IL1RAPL2: variants seen among roughly 807,000 people sequenced by gnomAD.
The protein encoded by IL1RAPL2 is interleukin 1 receptor accessory protein like 2, also known as X-linked interleukin-1 receptor accessory protein-like 2.
Under a neutral mutation model 44.1 loss-of-function variants are expected in IL1RAPL2, and 3 were observed. That is an observed-to-expected ratio of 0.07 (90% CI 0.03 to 0.18). IL1RAPL2 has a LOEUF of 0.18. IL1RAPL2 is among the 10% of genes least tolerant of loss of function. IL1RAPL2 has a pLI of 1.00. For synonymous variants in IL1RAPL2, 181 were observed against 178.8 expected (o/e 1.01, Z -0.10); for missense variants, 391 against 496.4 (o/e 0.79, Z 2.02).
At chrX:105,061,795 C>T (rs1185447287) in intron 2 of IL1RAPL2, among the ~76,000 whole-genome samples, 1 of 111,851 alleles carries the variant, frequency 8.9e-6, no homozygotes. Flanking sequence ...TGTATAGTGA[C>T]CTGTCTCTTC....
At chrX:105,649,723 A>G (rs1358745630) in intron 6 of IL1RAPL2, among the ~76,000 whole-genome samples, 1 of 111,492 alleles carries the variant, frequency 9.0e-6, no homozygotes, top group East Asian at 2.8e-4. Flanking sequence ...TGGGGCAAAG[A>G]AGCTTTGTCC....
At chrX:105,400,759 A>G (rs984503714) in intron 5 of IL1RAPL2, among the ~76,000 whole-genome samples, 3 of 112,274 alleles carry the variant, frequency 2.7e-5, no homozygotes, top group Admixed American at 9.5e-5. Flanking sequence ...TACTCATTCA[A>G]TAAAAATATA....
intron 2 of IL1RAPL2, among the ~76,000 whole-genome samples, chrX:105,171,547 C>T (rs1013354118): frequency 9.0e-6 from 1 of 110,606 alleles, no homozygotes; most frequent in African/African-American, 3.3e-5. Context: ...TTCCCCCTGC[C>T]CTGTATTTTG....
At chrX:104,724,340 G>A (rs1422513646) in intron 2 of IL1RAPL2, among the ~76,000 whole-genome samples, 1 of 111,228 alleles carries the variant, frequency 9.0e-6, no homozygotes, top group Non-Finnish European at 1.9e-5. Context: ...TGCTAGGATA[G>A]CATTAGGAGA....
intron 2 of IL1RAPL2, among the ~76,000 whole-genome samples, chrX:105,164,467 C>A (rs953110751): frequency 1.8e-5 from 2 of 112,024 alleles, no homozygotes; most frequent in Non-Finnish European, 3.8e-5. Context: ...ATAGCTCGAC[C>A]TTGATACTGT....
intron 6 of IL1RAPL2, among the ~76,000 whole-genome samples, chrX:105,508,765 C>T (rs1157119681): frequency 9.0e-6 from 1 of 110,684 alleles, no homozygotes; most frequent in African/African-American, 3.3e-5. Flanking sequence ...ATTGATCAAG[C>T]ATTGACATTT....
chrX:105,273,372 C>G, intron 5 of IL1RAPL2, among the ~76,000 whole-genome samples: 1 of 111,488 alleles, frequency 9.0e-6, no homozygotes, highest in Middle Eastern at 4.7e-3. Context: ...ACTGGAATCC[C>G]TCTTCCCCAA....
At chrX:105,721,430 A>C (rs2038303722) in intron 7 of IL1RAPL2, among the ~76,000 whole-genome samples, 1 of 110,711 alleles carries the variant, frequency 9.0e-6, no homozygotes, top group South Asian at 3.8e-4. Flanking sequence ...AAAAAAAATC[A>C]AAATTAATAC....
intron 5 of IL1RAPL2, among the ~76,000 whole-genome samples, chrX:105,427,080 A>G (rs932797218): frequency 2.7e-5 from 3 of 112,766 alleles, no homozygotes; most frequent in Non-Finnish European, 3.8e-5. Flanking sequence ...TATTTTTGTC[A>G]CAAACAGCAG....
intron 2 of IL1RAPL2, among the ~76,000 whole-genome samples, chrX:104,681,160 G>T (rs184722427): frequency 2.1e-4 from 23 of 111,888 alleles, no homozygotes; most frequent in Admixed American, 1.7e-3. Flanking sequence ...ATTGATCAGG[G>T]TCTTTCCCCC....
intron 2 of IL1RAPL2, among the ~76,000 whole-genome samples, chrX:105,064,493 A>C (rs1200876232): frequency 8.9e-6 from 1 of 111,776 alleles, no homozygotes; most frequent in African/African-American, 3.3e-5. Flanking sequence ...GTTAGGGATG[A>C]TTGCTGTAGG....
intron 2 of IL1RAPL2, among the ~76,000 whole-genome samples, chrX:105,011,561 A>T (rs773398653): frequency 5.7e-4 from 64 of 111,681 alleles, no homozygotes; most frequent in Non-Finnish European, 1.1e-3. Flanking sequence ...AATTCATGTA[A>T]GTTGAATCAA....
chrX:104,892,651 T>C (rs994544597), intron 2 of IL1RAPL2, among the ~76,000 whole-genome samples: 1 of 112,018 alleles, frequency 8.9e-6, no homozygotes, highest in African/African-American at 3.2e-5. Context: ...CCCTTTATCA[T>C]TTTTTATTGC....
chrX:104,885,342 G>T (rs926600948), intron 2 of IL1RAPL2, among the ~76,000 whole-genome samples: 12 of 111,432 alleles, frequency 1.1e-4, no homozygotes, highest in Non-Finnish European at 2.1e-4. Flanking sequence ...ATTGACCTGT[G>T]TTCTAGAAGG....
At chrX:105,553,292 G>C (rs1045771694) in intron 6 of IL1RAPL2, among the ~76,000 whole-genome samples, 2 of 111,844 alleles carry the variant, frequency 1.8e-5, no homozygotes, top group African/African-American at 6.5e-5. Flanking sequence ...TTGAAGCAGA[G>C]AGCCATCTAT....
intron 5 of IL1RAPL2, among the ~76,000 whole-genome samples, chrX:105,277,561 G>C (rs2034495900): frequency 9.0e-6 from 1 of 111,345 alleles, no homozygotes; most frequent in Admixed American, 9.5e-5. Context: ...GCTTTCTCCT[G>C]GGGTTAATCT....
chrX:105,156,199 C>A (rs1292772224), intron 2 of IL1RAPL2, among the ~76,000 whole-genome samples: 1 of 111,454 alleles, frequency 9.0e-6, no homozygotes, highest in African/African-American at 3.3e-5. Flanking sequence ...AGTTTTAGAC[C>A]CATACTAGTT....
At chrX:104,883,454 A>G (rs1030079595) in intron 2 of IL1RAPL2, among the ~76,000 whole-genome samples, 1 of 111,133 alleles carries the variant, frequency 9.0e-6, no homozygotes, top group East Asian at 2.9e-4. Flanking sequence ...ATTCAGCTCC[A>G]GGGTCCCGAC....
intron 2 of IL1RAPL2, among the ~76,000 whole-genome samples, chrX:105,047,559 G>A (rs2031856881): frequency 9.0e-6 from 1 of 111,523 alleles, no homozygotes; most frequent in Admixed American, 9.6e-5. Flanking sequence ...TGTTAATGAT[G>A]CAGGATTCCT....
Sources: gnomAD v4.1 joint callset for allele counts (sites outside exome capture counted in the v4.1 genomes callset) on GRCh38, gnomAD v4.1.1 for gene constraint, MANE v1.5 for transcripts, NCBI Gene and HGNC (gene_info 2026-07-23, HGNC 2026-07-21) for gene names.